Variants in DMD observed in about 807,000 individuals in gnomAD.
DMD encodes dystrophin.
A neutral mutation model predicts 330.1 loss-of-function variants in DMD; 63 were observed. The observed-to-expected ratio is 0.19, with a 90% CI of 0.16 to 0.24. DMD has a LOEUF of 0.24. DMD is among the 10% of genes least tolerant of loss of function. DMD has a pLI of 1.00. For synonymous variants in DMD, 1,223 were observed against 959.8 expected, an observed-to-expected ratio of 1.27 and a Z score of -5.07; for missense variants, 3,344 against 2,684.1, an observed-to-expected ratio of 1.25 and a Z score of -5.43.
chrX:31,333,986 G>T (rs2057288114), intron 61 of DMD, among the ~76,000 whole-genome samples: 1 of 109,807 alleles, frequency 9.1e-6, no homozygotes, highest in African/African-American at 3.3e-5. Context: ...AGGCTGGAGC[G>T]CAATGGCGCG....
intron 67 of DMD, among the ~76,000 whole-genome samples, chrX:31,200,343 C>T (rs1051796679): frequency 7.2e-5 from 8 of 111,299 alleles, no homozygotes; most frequent in African/African-American, 1.6e-4. Flanking sequence ...GTAAATGTGG[C>T]GGTGGGCATA....
chrX:33,003,931 TATGA>T (rs2093342504), intron 2 of DMD, among the ~76,000 whole-genome samples: 1 of 112,505 alleles, frequency 8.9e-6, no homozygotes, highest in Non-Finnish European at 1.9e-5. Flanking sequence ...AGCATTCTGC[TATGA>T]CTTTATTCTT....
At chrX:32,065,330 C>T (rs1289339691) in intron 44 of DMD, among the ~76,000 whole-genome samples, 1 of 110,804 alleles carries the variant, frequency 9.0e-6, no homozygotes, top group African/African-American at 3.3e-5. Context: ...AGCAGCTTAC[C>T]CAAAGACCTA....
chrX:32,857,242 C>T (rs978597977), intron 2 of DMD, among the ~76,000 whole-genome samples: 5 of 111,916 alleles, frequency 4.5e-5, no homozygotes, highest in African/African-American at 6.5e-5. Context: ...TAATCTAAAA[C>T]AAAGCAACTT....
intron 55 of DMD, among the ~76,000 whole-genome samples, chrX:31,616,691 G>A (rs183490255): frequency 8.9e-6 from 1 of 112,304 alleles, no homozygotes; most frequent in Admixed American, 9.5e-5. Context: ...TACAACCTAA[G>A]CTATGTTTTA....
chrX:31,678,925 T>C (rs1367852213), intron 53 of DMD, among the ~76,000 whole-genome samples: 1 of 112,331 alleles, frequency 8.9e-6, no homozygotes, highest in East Asian at 2.8e-4. Flanking sequence ...TCCTCTATTC[T>C]CTACCTTGAC....
chrX:31,453,619 T>C (rs2149123080), intron 59 of DMD, among the ~76,000 whole-genome samples: 1 of 110,383 alleles, frequency 9.1e-6, no homozygotes, highest in East Asian at 2.8e-4. Flanking sequence ...ATGTAATTTG[T>C]ATTTTACCAC....
intron 1 of DMD, 52 bp downstream of exon 1, chrX:33,211,230 A>G (rs3117053): frequency 8.5e-7 from 1 of 1,183,225 alleles, no homozygotes. Context: ...AGCTTGTCAC[A>G]AACTAAACGT....
chrX:33,107,778 G>A (rs944026955), intron 1 of DMD, among the ~76,000 whole-genome samples: 1 of 111,375 alleles, frequency 9.0e-6, no homozygotes, highest in Non-Finnish European at 1.9e-5. Context: ...CAAAAAAATA[G>A]AATTATTTAG....
At chrX:31,751,273 G>A (rs1405573477) in intron 51 of DMD, among the ~76,000 whole-genome samples, 1 of 111,381 alleles carries the variant, frequency 9.0e-6, no homozygotes. Context: ...TTGAACTCAG[G>A]TCTTTCTGAC....
chrX:33,020,259 T>A (rs1461249324), intron 1 of DMD, 59 bp from the exon 2 acceptor site: 2 of 843,481 alleles, frequency 2.4e-6, no homozygotes, highest in African/African-American at 4.0e-5. Flanking sequence ...AATTCATATT[T>A]TACAACCAAA....
At chrX:33,151,365 T>C (rs184994005) in intron 1 of DMD, among the ~76,000 whole-genome samples, 19 of 112,740 alleles carry the variant, frequency 1.7e-4, no homozygotes, top group African/African-American at 6.1e-4. Context: ...TTCACTAATG[T>C]ATTAATACAG....
intron 1 of DMD, among the ~76,000 whole-genome samples, chrX:33,110,922 T>A (rs146123493): frequency 5.4e-5 from 6 of 111,031 alleles, no homozygotes; most frequent in Non-Finnish European, 7.5e-5. Context: ...TTAATAATTT[T>A]AAAAAACATT....
intron 1 of DMD, among the ~76,000 whole-genome samples, chrX:33,272,495 G>A (rs1379136269): frequency 9.0e-6 from 1 of 111,519 alleles, no homozygotes; most frequent in East Asian, 2.8e-4. Context: ...CGTGAAATGG[G>A]TTACATTATT....
chrX:31,879,224 C>T (rs1046413462), intron 47 of DMD, among the ~76,000 whole-genome samples: 10 of 106,572 alleles, frequency 9.4e-5, no homozygotes, highest in African/African-American at 3.4e-4. Flanking sequence ...GGGGGCCTCA[C>T]AATCATGGCA....
At chrX:31,273,404 T>G (rs2051818540) in intron 62 of DMD, among the ~76,000 whole-genome samples, 1 of 112,343 alleles carries the variant, frequency 8.9e-6, no homozygotes, top group Non-Finnish European at 1.9e-5. Context: ...TGTCAGAGGT[T>G]CATTTCATTT....
chrX:33,020,884 G>A (rs770711561), intron 1 of DMD, among the ~76,000 whole-genome samples: 4 of 110,636 alleles, frequency 3.6e-5, no homozygotes, highest in South Asian at 7.8e-4. Flanking sequence ...CCCAACCATG[G>A]AGAAATGATT....
intron 4 of DMD, among the ~76,000 whole-genome samples, chrX:32,844,417 AAAAAGAAAAG>A (rs1281080010): frequency 2.5e-4 from 15 of 59,241 alleles, no homozygotes; most frequent in South Asian, 1.1e-3. Context: ...AAAAAAAAAA[AAAAAGAAAAG>A]AAAAGAAAAG....
rs756463079 is a variant in DMD, at chrX:32,270,841, T to C, written c.6290+16688A>G. ...ATTACTCAAAGTAGGCCTGTGAATA[T>C]GAGGATAAGTGCTTATTGTTCTTTT... is the stretch of plus-strand genomic sequence containing the variant. On this transcript the variant is annotated intron_variant, in intron 43 of 78. Coordinates refer to ENST00000357033, the MANE Select transcript of DMD (RefSeq NM_004006.3). 9.9e-5 allele frequency among the ~76,000 whole-genome samples: 11 copies of C among 111,357 alleles called. No homozygotes were observed. In the East Asian group the frequency reaches 2.6e-3, roughly 26 times the overall value.
Sources: gnomAD v4.1 joint callset for allele counts (sites outside exome capture counted in the v4.1 genomes callset) on GRCh38, gnomAD v4.1.1 for gene constraint, MANE v1.5 for transcripts, NCBI Gene and HGNC (gene_info 2026-07-23, HGNC 2026-07-21) for gene names.